Variants in RAB35 observed in about 807,000 individuals in gnomAD.
RAB35 encodes the protein RAB35, member RAS oncogene family, also known as ras-related protein Rab-35.
A neutral mutation model predicts 28.9 loss-of-function variants in RAB35; 4 were observed. The observed-to-expected ratio is 0.14, with a 90% CI of 0.07 to 0.32. The LOEUF is 0.32. RAB35 is among the 10% of genes least tolerant of loss of function. The pLI is 1.00. For missense variants in RAB35, 128 were observed against 274.0 expected (o/e 0.47, Z 3.76); for synonymous variants, 99 against 105.1 (o/e 0.94, Z 0.35).
intron 2 of RAB35, among the ~76,000 whole-genome samples, chr12:120,105,581 G>A (rs1156265827): frequency 6.6e-6 from 1 of 152,080 alleles, no homozygotes; most frequent in Non-Finnish European, 1.5e-5. Context: ...TGGAGGCCAG[G>A]GATGCTGCTC....
At position 120,103,397 on chromosome 12, in the gene RAB35, G is replaced by A. The variant is rs1053036256; in HGVS notation, c.227+429C>T. On this transcript the variant is annotated intron_variant, in intron 3 of 5. Coordinates refer to ENST00000229340, the MANE Select transcript of RAB35 (RefSeq NM_006861.7). The surrounding 1 kb of genome is among the most constrained non-coding windows in gnomAD (Gnocchi z 6.1). ...CTTCCAAGGCATCAGTGCAGGTGAC[G>A]GGAGCCTGCACAGGCCAACTCCAGC... 2.6e-5 allele frequency among the ~76,000 whole-genome samples: 4 copies of A among 152,162 alleles called. No homozygotes were observed. Among genetic ancestry groups the A allele is most frequent in the Non-Finnish European group, 5.9e-5 (4 of 68,026 alleles).
chr12:120,110,849 T>C (rs946217104), intron 1 of RAB35, among the ~76,000 whole-genome samples: 1 of 152,202 alleles, frequency 6.6e-6, no homozygotes, highest in African/African-American at 2.4e-5. Flanking sequence ...GCAGGGCTCA[T>C]GCTCAGGGCC....
chr12:120,098,434 C>T (rs992156800), intron 5 of RAB35, among the ~76,000 whole-genome samples: 7 of 152,250 alleles, frequency 4.6e-5, no homozygotes, highest in Admixed American at 1.3e-4. Context: ...GTGGGATCCT[C>T]GACTTCCACA....
intron 1 of RAB35, 88 bp downstream of exon 1, chr12:120,116,510 CG>C: frequency 3.5e-6 from 3 of 859,214 alleles, no homozygotes; most frequent in Non-Finnish European, 4.2e-6. Context: ...CCGCACGGGC[CG>C]GCACCTCCCC....
At chr12:120,109,337 C>T (rs1876018472) in intron 1 of RAB35, among the ~76,000 whole-genome samples, 1 of 152,206 alleles carries the variant, frequency 6.6e-6, no homozygotes, top group Non-Finnish European at 1.5e-5. Flanking sequence ...CCTGTAATCC[C>T]AGCTACTCGG....
chr12:120,097,879 C>CTTTTTT (rs1043936271), intron 5 of RAB35, among the ~76,000 whole-genome samples: 5 of 127,714 alleles, frequency 3.9e-5, no homozygotes, highest in African/African-American at 6.0e-5. Context: ...CAGCTGGAAT[C>CTTTTTT]TTTTTTTTTT....
rs1243136701 is a variant in RAB35 at position 120,109,220 on chromosome 12, G to A, written c.53-753C>T. On this transcript the variant is annotated intron_variant, in intron 1 of 5. Coordinates refer to ENST00000229340, the MANE Select transcript of RAB35 (RefSeq NM_006861.7). ...TGTAATCCCAGCACTTTGGGAGGCC[G>A]AGGCAGGCGGATCACCTGAGGTCGG... 3.9e-5 allele frequency among the ~76,000 whole-genome samples: 6 copies of A among 152,158 alleles called. No homozygotes were observed. In the South Asian group the frequency reaches 8.3e-4, roughly 21 times the overall value.
intron 1 of RAB35, among the ~76,000 whole-genome samples, chr12:120,111,573 C>G (rs549188271): frequency 1.3e-5 from 2 of 151,690 alleles, no homozygotes; most frequent in Admixed American, 6.6e-5. Context: ...CCCAGCTACT[C>G]GGGAGGCTGA....
intron 1 of RAB35, among the ~76,000 whole-genome samples, chr12:120,114,477 G>A (rs11065023): frequency 1.3e-5 from 2 of 152,210 alleles, no homozygotes; most frequent in African/African-American, 4.8e-5. Flanking sequence ...ATATCTTAAG[G>A]AGGCATTCAC....
chr12:120,101,023 G>A (rs35927765), intron 3 of RAB35, among the ~76,000 whole-genome samples: 2,862 of 152,338 alleles, frequency 0.019, 45 homozygotes, highest in Non-Finnish European at 0.03. Context: ...CAGCCCCCGC[G>A]GCTCCCTGGG....
chr12:120,096,455 C>G lies in RAB35; in HGVS notation c.*790G>C. ...CATAGCCCCCCTGCCAGCCCCATCT[C>G]TGCACGAACCTACCCCGACCTTTCT... On this transcript the variant is annotated 3_prime_UTR_variant, in exon 6 of 6. Coordinates refer to ENST00000229340, the MANE Select transcript of RAB35 (RefSeq NM_006861.7). 1.6e-6 allele frequency: 2 copies of G among 1,289,866 alleles called. No individual in the cohort carries two copies. Among genetic ancestry groups the G allele is most frequent in the Non-Finnish European group, 2.0e-6 (2 of 988,872 alleles). The allele number at this position is 1,289,866 out of a possible 1,614,324, so 79.9% of individuals were successfully genotyped here. A position where few individuals can be genotyped will look rare whatever the true frequency, so the allele number is the denominator to read the frequency against.
At position 120,097,210 on chromosome 12, in the gene RAB35, A is replaced by T. The variant is rs1383797664; in HGVS notation, c.*35T>A. On this transcript the variant is annotated 3_prime_UTR_variant, in exon 6 of 6. Transcript: ENST00000229340. ...CCGTGGGCCTCGGGCTGGGGGAGGG[A>T]CCGCAGTGCAGTCTCTGCAGTGGAC... The T allele has an allele frequency of 6.2e-7, 1 of 1,613,978 alleles. No homozygotes were observed. Among genetic ancestry groups the T allele is most frequent in the African/African-American group, 1.3e-5 (1 of 74,930 alleles).
Position 120,096,849 on chromosome 12 carries a change from G to C in RAB35, c.*396C>G, listed in dbSNP as rs1310630493. 2.3e-6 allele frequency: 3 copies of C among 1,298,514 alleles called. No individual in the cohort carries two copies. Among genetic ancestry groups the C allele is most frequent in the Non-Finnish European group, 3.0e-6 (3 of 994,792 alleles). The allele number at this position is 1,298,514 out of a possible 1,614,324, so 80.4% of individuals were successfully genotyped here. ...CTCCTCAGGACGCTGCTTGCAGTAA[G>C]ATGGGCTGGGGAGGGGCGCGGGGAG... On this transcript the variant is annotated 3_prime_UTR_variant, in exon 6 of 6. Coordinates refer to ENST00000229340, the MANE Select transcript of RAB35 (RefSeq NM_006861.7).
At chr12:120,099,885 G>A (rs575778686) in intron 3 of RAB35, among the ~76,000 whole-genome samples, 212 of 150,562 alleles carry the variant, frequency 1.4e-3, no homozygotes, top group African/African-American at 4.8e-3. Flanking sequence ...AGGAGGAGGG[G>A]GACCACAGCC....
In RAB35 at chr12:120,097,020, G is replaced by T; in HGVS notation, c.*225C>A. On this transcript the variant is annotated 3_prime_UTR_variant, in exon 6 of 6. Coordinates refer to ENST00000229340, the MANE Select transcript of RAB35 (RefSeq NM_006861.7). ...GTCCTCGCCAGGTCCAGGCGCCTTG[G>T]CCGGGGAGGAGGGGGCACCAGTAGG... 6.6e-7 allele frequency: 1 copy of T among 1,512,458 alleles called. No homozygotes were observed. Among genetic ancestry groups the T allele is most frequent in the Non-Finnish European group, 8.8e-7 (1 of 1,132,208 alleles). The allele number at this position is 1,512,458 out of a possible 1,614,324, so 93.7% of individuals were successfully genotyped here.
At chr12:120,113,546 C>T (rs1223573205) in intron 1 of RAB35, among the ~76,000 whole-genome samples, 2 of 152,200 alleles carry the variant, frequency 1.3e-5, no homozygotes, top group East Asian at 1.9e-4. Flanking sequence ...TGGCCGGGCG[C>T]GGTGGCTCAC....
intron 3 of RAB35, chr12:120,099,383 AG>A: frequency 3.4e-6 from 2 of 596,690 alleles, no homozygotes; most frequent in Non-Finnish European, 5.9e-6. Context: ...ACAGGGCGGG[AG>A]GGCCAGCCCC....
At chr12:120,108,273 C>T (rs1875970481) in intron 2 of RAB35, 144 bp downstream of exon 2, 3 of 801,638 alleles carry the variant, frequency 3.7e-6, no homozygotes, top group Non-Finnish European at 6.1e-6. Flanking sequence ...GTCCTAAGCC[C>T]CACTCCATCT....
At chr12:120,107,119 G>A (rs780080681) in intron 2 of RAB35, among the ~76,000 whole-genome samples, 3 of 151,920 alleles carry the variant, frequency 2.0e-5, no homozygotes, top group Admixed American at 6.6e-5. Flanking sequence ...CTCCCCAGTC[G>A]CTAGGATTAT....
Sources: gnomAD v4.1 joint callset for allele counts (sites outside exome capture counted in the v4.1 genomes callset) on GRCh38, gnomAD v4.1.1 for gene constraint, Gnocchi (gnomAD v3.1) non-coding constraint, MANE v1.5 for transcripts, NCBI Gene and HGNC (gene_info 2026-07-23, HGNC 2026-07-21) for gene names.